Variants in NAV1 observed in about 807,000 individuals in gnomAD.
The protein encoded by NAV1 is neuron navigator 1, also known as pore membrane and/or filament interacting like protein 3.
Under a neutral mutation model 175.2 loss-of-function variants are expected in NAV1, and 18 were observed. That is an observed-to-expected ratio of 0.10 (90% CI 0.07 to 0.15). The LOEUF (loss-of-function observed/expected upper bound fraction) is 0.15. NAV1 is among the 10% of genes least tolerant of loss of function. The pLI is 1.00. For missense variants in NAV1, 1,731 were observed against 2,436.6 expected (o/e 0.71, Z 6.10); for synonymous variants, 897 against 978.7 (o/e 0.92, Z 1.56).
At chr1:201,772,149 A>G (rs549590034) in intron 3 of NAV1, among the ~76,000 whole-genome samples, 1 of 152,332 alleles carries the variant, frequency 6.6e-6, no homozygotes, top group South Asian at 2.1e-4. Flanking sequence ...GGACATAACT[A>G]TTTCAAGGCA....
exon 7 of NAV1, chr1:201,783,757 C>T (rs117467804): frequency 8.1e-5 from 131 of 1,614,148 alleles, no homozygotes; most frequent in East Asian, 4.5e-4. Context: ...GCAGTACTCC[C>T]GTCCCCACCC....
In NAV1 at chr1:201,631,201, T is replaced by A. The variant is rs564798653; in HGVS notation, c.4+1694T>A. Among the ~76,000 whole-genome samples, 5 of 152,340 alleles carry A rather than the reference T, an allele frequency of 3.3e-5. No homozygotes were observed. In the South Asian group the frequency reaches 8.3e-4, roughly 25 times the overall value. On this transcript the variant is annotated intron_variant, in intron 2 of 29. Coordinates refer to the NAV1 transcript ENST00000367302. ...CTGCCTCTGCTCTGGTGCTAGCTAGTTGTCATGGTGACCCATCTCTGCCGA... is the reference window on the plus strand; with the variant it reads ...CTGCCTCTGCTCTGGTGCTAGCTAGATGTCATGGTGACCCATCTCTGCCGA...
rs1672210734 is a variant in NAV1, at chr1:201,718,018, G to A, written c.861-372G>A. On this transcript the variant is annotated intron_variant, in intron 2 of 29. Transcript: ENST00000367296. The surrounding 1 kb of genome is among the most constrained non-coding windows in gnomAD (Gnocchi z 4.8). ...ATCCTTACAACTCTATAAGGTAGAT[G>A]TTATGCCATTATCCCCATTGTACAG... Among the ~76,000 whole-genome samples, 1 of 152,198 alleles carries A rather than the reference G, an allele frequency of 6.6e-6. No homozygotes were observed. Among genetic ancestry groups the A allele is most frequent in the Non-Finnish European group, 1.5e-5 (1 of 68,034 alleles).
chr1:201,739,857 C>A (rs891776687), intron 3 of NAV1: 1 of 1,278,086 alleles, frequency 7.8e-7, no homozygotes, highest in Non-Finnish European at 9.9e-7. Context: ...AAGTACAAGC[C>A]CTGGTGGTGG....
At chr1:201,585,084 C>T (rs999796264) in intron 1 of NAV1, among the ~76,000 whole-genome samples, 2 of 148,016 alleles carry the variant, frequency 1.4e-5, no homozygotes, top group African/African-American at 4.9e-5. Context: ...GGGTAGTTTT[C>T]GCAGGGGCCT....
chr1:201,645,114 C>T (rs58675601), upstream of NAV1, among the ~76,000 whole-genome samples: 654 of 152,076 alleles, frequency 4.3e-3, 6 homozygotes, highest in African/African-American at 0.015. Context: ...ATGTTTATAG[C>T]GGCACTATTC....
chr1:201,804,248 C>A (rs1329795296), intron 16 of NAV1, among the ~76,000 whole-genome samples: 1 of 152,124 alleles, frequency 6.6e-6, no homozygotes, highest in African/African-American at 2.4e-5. Flanking sequence ...AAACTGACTT[C>A]GTATGACCTT....
At chr1:201,785,341 A>G (rs1676666323) in exon 8 of NAV1, 1 of 1,612,824 alleles carries the variant, frequency 6.2e-7, no homozygotes, top group African/African-American at 1.3e-5. Context: ...TCTTCCCAAG[A>G]AAGGGCTCAG....
At chr1:201,598,708 A>G (rs1000629092) in intron 2 of NAV1, among the ~76,000 whole-genome samples, 4 of 152,144 alleles carry the variant, frequency 2.6e-5, no homozygotes, top group Non-Finnish European at 5.9e-5. Flanking sequence ...CCCCGACTAG[A>G]AGGAGCTGAG....
intron 1 of NAV1, among the ~76,000 whole-genome samples, chr1:201,564,343 G>A (rs561775125): frequency 2.6e-5 from 4 of 152,224 alleles, no homozygotes; most frequent in East Asian, 1.9e-4. Context: ...GGCCAGGCAC[G>A]GTAGCTCACG....
intron 1 of NAV1, among the ~76,000 whole-genome samples, chr1:201,659,088 G>A (rs1669513288): frequency 6.6e-6 from 1 of 152,182 alleles, no homozygotes; most frequent in Non-Finnish European, 1.5e-5. Context: ...GTGCTCTGCT[G>A]AAAACAGTCC....
chr1:201,786,303 CCCTCTTTTCCATGT>C, intron 8 of NAV1, 112 bp from the exon 13 acceptor site: 1 of 990,782 alleles, frequency 1.0e-6, no homozygotes, highest in Non-Finnish European at 1.5e-6. Context: ...CCTGACCACT[CCCTCTTTTCCATGT>C]CCTGCTTTCA....
At chr1:201,572,702 A>G (rs1233123086) in intron 1 of NAV1, among the ~76,000 whole-genome samples, 1 of 152,034 alleles carries the variant, frequency 6.6e-6, no homozygotes, top group African/African-American at 2.4e-5. Flanking sequence ...ATCACCATCA[A>G]TGAAATGGGG....
chr1:201,684,014 C>T (rs952062049), intron 1 of NAV1, among the ~76,000 whole-genome samples: 1 of 152,274 alleles, frequency 6.6e-6, no homozygotes, highest in South Asian at 2.1e-4. Context: ...TCCAGTTCTA[C>T]ATTTTTTATT....
intron 2 of NAV1, among the ~76,000 whole-genome samples, chr1:201,589,302 C>T (rs1020123984): frequency 4.6e-5 from 7 of 152,096 alleles, no homozygotes; most frequent in Non-Finnish European, 8.8e-5. Flanking sequence ...AAATAGAGAA[C>T]GGTTGAAAAT....
intron 1 of NAV1, among the ~76,000 whole-genome samples, chr1:201,655,894 G>A (rs1403401745): frequency 6.6e-6 from 1 of 152,072 alleles, no homozygotes; most frequent in African/African-American, 2.4e-5. Context: ...GGAGGGGTGT[G>A]TTGCATAGGT....
At chr1:201,785,788 C>T (rs1263364584) in intron 8 of NAV1, among the ~76,000 whole-genome samples, 5 of 99,544 alleles carry the variant, frequency 5.0e-5, no homozygotes, top group Admixed American at 1.3e-4. Context: ...ACTATTGCAA[C>T]TTTTTTTTTT....
chr1:201,809,309 AC>A (rs1424450109), intron 21 of NAV1, 48 bp downstream of exon 25: 11 of 1,602,136 alleles, frequency 6.9e-6, no homozygotes, highest in Non-Finnish European at 9.4e-6. Context: ...AAATACTGTT[AC>A]ATTTATCCAA....
chr1:201,586,430 A>ATTAGCC (rs1201410546), intron 1 of NAV1, among the ~76,000 whole-genome samples: 7 of 152,222 alleles, frequency 4.6e-5, no homozygotes, highest in African/African-American at 1.7e-4. Context: ...TACCACCTGT[A>ATTAGCC]TTAGCCTGCT....
Sources: gnomAD v4.1 joint callset for allele counts (sites outside exome capture counted in the v4.1 genomes callset) on GRCh38, gnomAD v4.1.1 for gene constraint, Gnocchi (gnomAD v3.1) non-coding constraint, MANE v1.5 for transcripts, NCBI Gene and HGNC (gene_info 2026-07-23, HGNC 2026-07-21) for gene names.